Variants in PDGFC observed in about 807,000 individuals in gnomAD.
PDGFC encodes platelet derived growth factor C.
A neutral mutation model predicts 35.5 loss-of-function variants in PDGFC; 12 were observed. The observed-to-expected ratio is 0.34, with a 90% CI of 0.22 to 0.55. PDGFC has a LOEUF of 0.55. PDGFC is among the 20% of genes least tolerant of loss of function. The pLI, the probability that PDGFC is intolerant of heterozygous loss-of-function variation, is 0.91. For synonymous variants in PDGFC, 159 were observed against 148.8 expected (o/e 1.07, Z -0.50); for missense variants, 322 against 412.4 (o/e 0.78, Z 1.90).
At chr4:156,891,429 G>C (rs973831870) in intron 1 of PDGFC, among the ~76,000 whole-genome samples, 1 of 149,496 alleles carries the variant, frequency 6.7e-6, no homozygotes, top group East Asian at 2.1e-4. Flanking sequence ...ACACGCACAA[G>C]ATTTTTGGTA....
intron 1 of PDGFC, among the ~76,000 whole-genome samples, chr4:156,932,566 A>T (rs1385057057): frequency 6.6e-6 from 1 of 152,182 alleles, no homozygotes; most frequent in East Asian, 1.9e-4. Context: ...CTATGCAGCC[A>T]TAAAAAATGA....
chr4:156,878,079 A>C (rs942218594), intron 1 of PDGFC, among the ~76,000 whole-genome samples: 1 of 152,212 alleles, frequency 6.6e-6, no homozygotes, highest in Non-Finnish European at 1.5e-5. Flanking sequence ...ACCATGCCCC[A>C]AGGCATGGCA....
chr4:156,892,420 T>C (rs1216244468), intron 1 of PDGFC, among the ~76,000 whole-genome samples: 3 of 152,206 alleles, frequency 2.0e-5, no homozygotes, highest in African/African-American at 7.2e-5. Context: ...AGATTTATTA[T>C]TTATTTTTGT....
chr4:156,960,280 A>G (rs542166090), intron 1 of PDGFC, among the ~76,000 whole-genome samples: 3 of 148,190 alleles, frequency 2.0e-5, no homozygotes, highest in Admixed American at 2.0e-4. Flanking sequence ...ATATAAAACT[A>G]TAAATTTGGA....
chr4:156,928,461 G>T (rs1043415745), intron 1 of PDGFC, among the ~76,000 whole-genome samples: 5 of 152,114 alleles, frequency 3.3e-5, no homozygotes, highest in Non-Finnish European at 7.4e-5. Context: ...CAGGATAAAA[G>T]AAATGAAAAA....
chr4:156,945,342 C>CATATATAT (rs201167463), intron 1 of PDGFC, among the ~76,000 whole-genome samples: 36 of 81,060 alleles, frequency 4.4e-4, no homozygotes, highest in Non-Finnish European at 7.6e-4. Context: ...CATATACATA[C>CATATATAT]ATATATATAT....
chr4:156,928,755 ACTC>A (rs1467071373), intron 1 of PDGFC, among the ~76,000 whole-genome samples: 1 of 152,154 alleles, frequency 6.6e-6, no homozygotes, highest in Non-Finnish European at 1.5e-5. Flanking sequence ...TTAGTATACA[ACTC>A]CTGAAGAACA....
intron 1 of PDGFC, among the ~76,000 whole-genome samples, chr4:156,875,932 G>T (rs1027055952): frequency 6.6e-6 from 1 of 152,106 alleles, no homozygotes; most frequent in Non-Finnish European, 1.5e-5. Context: ...TATTTCAAAA[G>T]CTGTTCCATA....
intron 4 of PDGFC, among the ~76,000 whole-genome samples, chr4:156,768,708 T>C (rs1730609271): frequency 6.6e-6 from 1 of 152,018 alleles, no homozygotes; most frequent in Admixed American, 6.6e-5. Flanking sequence ...GTGGAAGAAA[T>C]GTTTAATTTA....
chr4:156,863,657 G>T (rs890461987), intron 1 of PDGFC, among the ~76,000 whole-genome samples: 1 of 152,040 alleles, frequency 6.6e-6, no homozygotes, highest in Non-Finnish European at 1.5e-5. Context: ...TTAATGATTT[G>T]CTGGATTCTG....
At chr4:156,840,587 C>T (rs1047254386) in intron 2 of PDGFC, among the ~76,000 whole-genome samples, 2 of 152,208 alleles carry the variant, frequency 1.3e-5, no homozygotes, top group African/African-American at 4.8e-5. Flanking sequence ...TGGGGCACTG[C>T]CTAGTGGAGC....
At chr4:156,822,838 T>G (rs1316137775) in intron 2 of PDGFC, among the ~76,000 whole-genome samples, 5 of 152,062 alleles carry the variant, frequency 3.3e-5, no homozygotes. Context: ...CTCGGCTCAC[T>G]GCAACCTTGC....
At chr4:156,840,931 TG>T (rs1330849668) in intron 2 of PDGFC, among the ~76,000 whole-genome samples, 1 of 152,228 alleles carries the variant, frequency 6.6e-6, no homozygotes, top group Non-Finnish European at 1.5e-5. Context: ...CCATTTGGAA[TG>T]GGTGTATTTA....
chr4:156,766,393 C>T (rs1274610399), intron 5 of PDGFC, among the ~76,000 whole-genome samples: 1 of 152,042 alleles, frequency 6.6e-6, no homozygotes, highest in African/African-American at 2.4e-5. Flanking sequence ...CAGTGATTGA[C>T]ACAAAAAGTA....
At chr4:156,781,438 AG>A (rs1474387394) in intron 3 of PDGFC, among the ~76,000 whole-genome samples, 1 of 152,352 alleles carries the variant, frequency 6.6e-6, no homozygotes, top group East Asian at 1.9e-4. Context: ...TTACTTTTCT[AG>A]AAAAATATCC....
intron 1 of PDGFC, among the ~76,000 whole-genome samples, chr4:156,903,834 A>G (rs1730851207): frequency 6.6e-6 from 1 of 152,150 alleles, no homozygotes; most frequent in African/African-American, 2.4e-5. Context: ...AAGTGTAGGA[A>G]GACAAACCAT....
chr4:156,896,430 A>C (rs1053029111), intron 1 of PDGFC, among the ~76,000 whole-genome samples: 1 of 152,172 alleles, frequency 6.6e-6, no homozygotes, highest in East Asian at 1.9e-4. Context: ...TAGGAGTTTT[A>C]CATGCTCCTG....
intron 3 of PDGFC, among the ~76,000 whole-genome samples, chr4:156,781,555 G>A (rs1476318823): frequency 6.6e-6 from 1 of 152,060 alleles, no homozygotes; most frequent in African/African-American, 2.4e-5. Flanking sequence ...CACAAGCCTC[G>A]GTTAATGCAG....
chr4:156,890,290 CA>C lies in PDGFC; in HGVS notation c.119-39875del, dbSNP rs138833923. ...CAGAATGGCAGGGATTTGTCCACTGCAAAAAAACAGCATGTTCCTTCTTTAG... is the reference window on the plus strand; with the variant it reads ...CAGAATGGCAGGGATTTGTCCACTGCAAAAAACAGCATGTTCCTTCTTTAG... On this transcript the variant is annotated intron_variant, in intron 1 of 5. Coordinates refer to ENST00000502773, the MANE Select transcript of PDGFC (RefSeq NM_016205.3). Among the ~76,000 whole-genome samples, 1,178 of 151,914 alleles carry C rather than the reference CA, an allele frequency of 7.8e-3. 9 individuals carry two copies. Among genetic ancestry groups the C allele is most frequent in the African/African-American group, 0.027 (1,104 of 41,442 alleles).
Sources: allele counts gnomAD v4.1 joint callset (sites outside exome capture counted in the v4.1 genomes callset), GRCh38; gene constraint gnomAD v4.1.1; transcripts MANE v1.5; gene names NCBI Gene and HGNC (gene_info 2026-07-23, HGNC 2026-07-21).